The following PTGER3 variants were observed in gnomAD, a reference collection of about 807,000 sequenced individuals.
The protein encoded by PTGER3 is prostaglandin E2 receptor EP3 subtype.
Under a neutral mutation model 34.7 loss-of-function variants are expected in PTGER3, and 22 were observed. The observed-to-expected ratio is 0.63, with a 90% CI of 0.45 to 0.91. The LOEUF is 0.91. PTGER3 is among the 40% of genes least tolerant of loss of function. The pLI is 0.00. For missense variants in PTGER3, 468 were observed against 519.4 expected (o/e 0.90, Z 0.96); for synonymous variants, 241 against 230.1 (o/e 1.05, Z -0.43).
At chr1:70,950,105 G>A (rs1168812553), downstream of PTGER3, among the ~76,000 whole-genome samples, 3 of 152,184 alleles carry the variant, frequency 2.0e-5, no homozygotes, top group African/African-American at 7.2e-5. Context: ...ATTTGTTAGA[G>A]TTATTTCAGA....
chr1:70,965,954 C>A (rs915162132), downstream of PTGER3, among the ~76,000 whole-genome samples: 2 of 152,134 alleles, frequency 1.3e-5, no homozygotes, highest in African/African-American at 4.8e-5. Context: ...TCCAATGCAT[C>A]TAAAGAGATT....
chr1:70,897,059 A>G (rs1262353299), intron 4 of PTGER3, among the ~76,000 whole-genome samples: 2 of 152,174 alleles, frequency 1.3e-5, no homozygotes, highest in Non-Finnish European at 2.9e-5. Context: ...GCTTAGGGAT[A>G]AGTGCCTGAG....
downstream of PTGER3, among the ~76,000 whole-genome samples, chr1:70,967,987 T>A (rs796072117): frequency 6.6e-6 from 1 of 152,312 alleles, no homozygotes; most frequent in African/African-American, 2.4e-5. Context: ...AAACACAATA[T>A]TCTCTGTTCT....
intron 2 of PTGER3, among the ~76,000 whole-genome samples, chr1:70,978,222 T>C (rs1425668654): frequency 6.6e-6 from 1 of 152,158 alleles, no homozygotes; most frequent in Non-Finnish European, 1.5e-5. Flanking sequence ...ACTAGTCTCT[T>C]AGAAACTTTT....
chr1:71,032,055 T>C (rs1372407722), intron 1 of PTGER3, among the ~76,000 whole-genome samples: 3 of 152,216 alleles, frequency 2.0e-5, no homozygotes, highest in African/African-American at 7.2e-5. Context: ...ACCCAGCATG[T>C]TGGCCGTTAG....
chr1:70,955,848 C>T (rs1180965575), intron 2 of PTGER3, among the ~76,000 whole-genome samples: 1 of 152,010 alleles, frequency 6.6e-6, no homozygotes. Flanking sequence ...GTCACTAATC[C>T]CATCACTATG....
intron 4 of PTGER3, among the ~76,000 whole-genome samples, chr1:70,937,468 A>T (rs1463858878): frequency 2.0e-5 from 3 of 152,208 alleles, no homozygotes; most frequent in Admixed American, 2.0e-4. Flanking sequence ...CAGCATATGG[A>T]CATAAATTTA....
At chr1:70,957,604 G>A (rs1409776529) in intron 2 of PTGER3, among the ~76,000 whole-genome samples, 1 of 151,790 alleles carries the variant, frequency 6.6e-6, no homozygotes, top group African/African-American at 2.4e-5. Context: ...TATTTCTGGG[G>A]TACAATGTGA....
intron 1 of PTGER3, among the ~76,000 whole-genome samples, chr1:71,013,615 T>C (rs1331745429): frequency 1.3e-5 from 2 of 149,348 alleles, no homozygotes; most frequent in Non-Finnish European, 3.0e-5. Flanking sequence ...GGCAGGAGAA[T>C]CCCTTGAACC....
At chr1:70,856,589 T>A (rs1645811251) in intron 4 of PTGER3, among the ~76,000 whole-genome samples, 1 of 152,182 alleles carries the variant, frequency 6.6e-6, no homozygotes, top group Non-Finnish European at 1.5e-5. Context: ...CTCTGTAATT[T>A]TATACCAACT....
At chr1:70,863,482 T>C (rs142827421) in intron 4 of PTGER3, among the ~76,000 whole-genome samples, 1 of 152,280 alleles carries the variant, frequency 6.6e-6, no homozygotes, top group African/African-American at 2.4e-5. Context: ...ATTTTGACTC[T>C]AGTAAAGCCA....
At chr1:70,958,311 A>C (rs1651569695) in intron 2 of PTGER3, among the ~76,000 whole-genome samples, 1 of 152,132 alleles carries the variant, frequency 6.6e-6, no homozygotes, top group Non-Finnish European at 1.5e-5. Context: ...TTATATTTCC[A>C]CCAATCGTGT....
At chr1:70,968,944 C>T (rs913408895), downstream of PTGER3, among the ~76,000 whole-genome samples, 1 of 152,062 alleles carries the variant, frequency 6.6e-6, no homozygotes, top group African/African-American at 2.4e-5. Flanking sequence ...TGGTGGCTCA[C>T]ACCTGTAATC....
intron 4 of PTGER3, among the ~76,000 whole-genome samples, chr1:70,887,298 A>C (rs1013176247): frequency 6.6e-6 from 1 of 152,176 alleles, no homozygotes; most frequent in Non-Finnish European, 1.5e-5. Context: ...GGCACTTTTC[A>C]TGCATGACTT....
At chr1:70,864,124 T>C (rs1407738756) in intron 4 of PTGER3, among the ~76,000 whole-genome samples, 1 of 152,146 alleles carries the variant, frequency 6.6e-6, no homozygotes, top group Admixed American at 6.6e-5. Context: ...ACACATGCCA[T>C]TCCCTTTGCC....
At chr1:71,036,794 G>T (rs902717699) in intron 1 of PTGER3, among the ~76,000 whole-genome samples, 1 of 150,524 alleles carries the variant, frequency 6.6e-6, no homozygotes. Context: ...AGCCGAGATC[G>T]TGCTACTGTA....
In PTGER3 at chr1:70,883,284, TCTTCTTAAG is replaced by T. The variant is rs1339759698; in HGVS notation, c.*24-30434_*24-30426del. On this transcript the variant is annotated intron_variant, in intron 4 of 4. Transcript: ENST00000370931. ...GTATTCAATTTATTTAAACTCTTGT[TCTTCTTAAG>T]CTTTTAGGTTAGTTTATAAATCTTA... Among the ~76,000 whole-genome samples, 3 of 152,234 alleles carry T rather than the reference TCTTCTTAAG, an allele frequency of 2.0e-5. No homozygotes were observed. The East Asian group carries it at 5.8e-4, about 29-fold the overall frequency.
intron 4 of PTGER3, among the ~76,000 whole-genome samples, chr1:70,873,085 A>T (rs1010646656): frequency 6.6e-6 from 1 of 152,170 alleles, no homozygotes; most frequent in African/African-American, 2.4e-5. Flanking sequence ...CTTTTCAAGA[A>T]GTTCTAATAT....
intron 4 of PTGER3, among the ~76,000 whole-genome samples, chr1:70,921,639 G>T (rs1557656400): frequency 7.7e-6 from 1 of 129,736 alleles, no homozygotes; most frequent in African/African-American, 2.8e-5. Context: ...TTTGCTGCAG[G>T]TCCCTAAAAA....
Sources: allele counts gnomAD v4.1 joint callset (sites outside exome capture counted in the v4.1 genomes callset), GRCh38; gene constraint gnomAD v4.1.1; transcripts MANE v1.5; gene names NCBI Gene and HGNC (gene_info 2026-07-23, HGNC 2026-07-21).